The following GOLGA4 variants were observed in gnomAD, a reference collection of about 807,000 sequenced individuals.
GOLGA4 encodes the protein golgin A4.
In GOLGA4, 169 loss-of-function variants were observed where a neutral mutation model predicts 265.9. The ratio of observed to expected loss-of-function variants is 0.64; its 90% CI spans 0.56 to 0.72. GOLGA4 has a LOEUF of 0.72. Ranked by LOEUF, GOLGA4 falls within the 30% of genes least tolerant of loss-of-function variation. The pLI, the probability that GOLGA4 is intolerant of heterozygous loss-of-function variation, is 0.00. For synonymous variants in GOLGA4, 923 were observed against 855.8 expected, an observed-to-expected ratio of 1.08 and a Z score of -1.37; for missense variants, 2,482 against 2,483.4, an observed-to-expected ratio of 1.00 and a Z score of 0.01.
intron 2 of GOLGA4, among the ~76,000 whole-genome samples, chr3:37,255,895 G>A (rs2096747227): frequency 6.6e-6 from 1 of 152,060 alleles, no homozygotes. Context: ...TGGGATTACA[G>A]GCATGAGTCA....
intron 22 of GOLGA4, among the ~76,000 whole-genome samples, chr3:37,361,039 T>C (rs1052076821): frequency 3.3e-5 from 5 of 152,206 alleles, no homozygotes; most frequent in Non-Finnish European, 5.9e-5. Flanking sequence ...AAATCTCAGC[T>C]ACATAATATT....
intron 9 of GOLGA4, among the ~76,000 whole-genome samples, chr3:37,300,210 G>A (rs62241869): frequency 2.0e-5 from 3 of 152,160 alleles, no homozygotes; most frequent in African/African-American, 7.2e-5. Context: ...CTAAAGCTAC[G>A]CAGCAAAGAC....
At chr3:37,250,507 A>G (rs1193955004) in intron 1 of GOLGA4, 2 of 152,192 alleles carry the variant, frequency 1.3e-5, no homozygotes, top group African/African-American at 4.8e-5. Context: ...CAGTTTGTGC[A>G]CGGATACCAC....
intron 21 of GOLGA4, among the ~76,000 whole-genome samples, chr3:37,352,685 G>A (rs942898671): frequency 3.1e-4 from 47 of 151,958 alleles, no homozygotes; most frequent in Non-Finnish European, 6.2e-4. Context: ...CTCTGGATTA[G>A]GGTTTGGCTA....
intron 16 of GOLGA4, among the ~76,000 whole-genome samples, chr3:37,330,945 C>T (rs1175591082): frequency 2.0e-5 from 3 of 151,004 alleles, no homozygotes; most frequent in African/African-American, 4.9e-5. Flanking sequence ...GCAGGAGAAT[C>T]GCTTGAACCT....
chr3:37,243,359 A>G lies in GOLGA4; in HGVS notation c.-192A>G, dbSNP rs2096707943. ...AGCCAGTGGCACCCGGAAGAAAGAG[A>G]CGCGGCGGCGGCGACGCCGACACCC... is the stretch of plus-strand genomic sequence containing the variant. On this transcript the variant is annotated 5_prime_UTR_variant, in exon 1 of 24. Transcript: ENST00000361924. 1 of 578,280 alleles carries G rather than the reference A, an allele frequency of 1.7e-6. No homozygotes were observed. The highest frequency in any genetic ancestry group is 2.0e-5 in the African/African-American group (1 of 50,984). 35.8% of individuals were successfully genotyped at this position (578,280 alleles called of 1,614,324 possible). A position where few individuals can be genotyped will look rare whatever the true frequency, so the allele number is the denominator to read the frequency against.
rs2150771460 is a variant in GOLGA4, at chr3:37,282,339, A to ATTGCT, written c.477+70_477+74dup. The ATTGCT allele has an allele frequency of 2.7e-6, 3 of 1,119,694 alleles. No homozygotes were observed. The African/African-American group carries it at 4.6e-5, about 17-fold the overall frequency. 69.4% of individuals were successfully genotyped at this position (1,119,694 alleles called of 1,614,324 possible). A position where few individuals can be genotyped will look rare whatever the true frequency, so the allele number is the denominator to read the frequency against. On this transcript the variant is annotated intron_variant, in intron 3 of 23. Transcript: ENST00000361924. ...CTTGTTCTCTCATTCATATTACTGTATTGCTTTACTCCTGTGATTGGCTAA... is the reference window on the plus strand; with the variant it reads ...CTTGTTCTCTCATTCATATTACTGTATTGCTTTGCTTTACTCCTGTGATTGGCTAA...
rs1294962257 is a variant in GOLGA4, at chr3:37,326,851, G to A, written c.4965G>A (p.Leu1655=). 1.2e-6 allele frequency: 2 copies of A among 1,613,488 alleles called. No homozygotes were observed. Among genetic ancestry groups the A allele is most frequent in the Admixed American group, 1.7e-5 (1 of 59,918 alleles). ...EQKIAAIKKQ[L]LSQMEEKEEQ... ...AAATTGCTGCCATTAAGAAGCAGTT[G>A]TTATCTCAAATGGAAGAGAAAGAAG... Residue 1655 remains leucine, a synonymous_variant, in exon 14 of 24, where the codon TTG becomes TTA. Coordinates refer to ENST00000361924, the MANE Select transcript of GOLGA4 (RefSeq NM_002078.5).
In GOLGA4 at chr3:37,326,262, CTG is replaced by C; in HGVS notation, c.4378_4379del (p.Val1460Ter). On this transcript the variant is annotated frameshift_variant, in exon 14 of 24. Transcript: ENST00000361924. LOFTEE classifies it high-confidence loss of function. ...TCAAGATTTACACAGCATCAAAACA[CTG>C]TTAAAGAATTGCAGATCCAGCTTGA... The C allele has an allele frequency of 6.2e-7, 1 of 1,613,410 alleles. No individual in the cohort carries two copies. Among genetic ancestry groups the C allele is most frequent in the Non-Finnish European group, 8.5e-7 (1 of 1,179,598 alleles).
intron 10 of GOLGA4, among the ~76,000 whole-genome samples, chr3:37,308,379 A>G (rs1392642147): frequency 1.3e-5 from 2 of 151,862 alleles, no homozygotes; most frequent in Admixed American, 6.6e-5. Context: ...TGCAAAAGTG[A>G]TATTTATTAA....
At chr3:37,306,293 G>A (rs534900585) in intron 10 of GOLGA4, among the ~76,000 whole-genome samples, 1 of 152,288 alleles carries the variant, frequency 6.6e-6, no homozygotes, top group South Asian at 2.1e-4. Flanking sequence ...AAGCGCTTCT[G>A]TAATTGTTGA....
At chr3:37,307,961 C>T (rs111353890) in intron 10 of GOLGA4, among the ~76,000 whole-genome samples, 5,249 of 152,156 alleles carry the variant, frequency 0.034, 224 homozygotes, top group African/African-American at 0.1. Context: ...GGGCTGGGCG[C>T]GGTGGCTCAC....
chr3:37,292,378 A>G (rs947018682), intron 5 of GOLGA4, among the ~76,000 whole-genome samples: 2 of 152,200 alleles, frequency 1.3e-5, no homozygotes, highest in African/African-American at 2.4e-5. Context: ...TTTTATTGCC[A>G]TTATTTCATT....
intron 2 of GOLGA4, among the ~76,000 whole-genome samples, chr3:37,271,115 C>T (rs1241780473): frequency 1.3e-5 from 2 of 152,094 alleles, no homozygotes; most frequent in African/African-American, 4.8e-5. Flanking sequence ...GGTGGTAATG[C>T]GAGTGACGGG....
At position 37,324,175 on chromosome 3, in the gene GOLGA4, T is replaced by G; in HGVS notation, c.2289T>G (p.Leu763=). 1 of 1,614,068 alleles carries G rather than the reference T, an allele frequency of 6.2e-7. No homozygotes were observed. Among genetic ancestry groups the G allele is most frequent in the South Asian group, 1.1e-5 (1 of 91,068 alleles). Residue 763 remains leucine (L), a synonymous_variant, in exon 14 of 24, where the codon CTT becomes CTG. Transcript: ENST00000361924. ...AAGATCAAATTAATCAACTTGAGCTTCTCTTGAAGGAAAGGGACAAGCATT... is the reference window on the plus strand; with the variant it reads ...AAGATCAAATTAATCAACTTGAGCTGCTCTTGAAGGAAAGGGACAAGCATT... ...ALKDQINQLE[L]LLKERDKHLK...
chr3:37,254,087 A>G (rs2096741525), intron 2 of GOLGA4, among the ~76,000 whole-genome samples: 1 of 152,192 alleles, frequency 6.6e-6, no homozygotes, highest in Non-Finnish European at 1.5e-5. Flanking sequence ...TATTGTATGC[A>G]AACTAATATA....
intron 2 of GOLGA4, among the ~76,000 whole-genome samples, chr3:37,260,415 A>C (rs1007076345): frequency 2.6e-5 from 4 of 151,756 alleles, no homozygotes; most frequent in African/African-American, 9.7e-5. Context: ...TGAGGTCAGG[A>C]GTTCGAGACC....
At position 37,366,765 on chromosome 3, in the gene GOLGA4, CTTGTTCCTCAGTTGAAATCTAT is replaced by C. The variant is rs1358093426; in HGVS notation, c.*722_*743del. ...TACTATATAACATTTGTTTATTGTA[CTTGTTCCTCAGTTGAAATCTAT>C]TTTAAAATGTTTAAGAATGCATATT... On this transcript the variant is annotated 3_prime_UTR_variant, in exon 24 of 24. Coordinates refer to ENST00000361924, the MANE Select transcript of GOLGA4 (RefSeq NM_002078.5). 4 of 152,356 alleles carry C rather than the reference CTTGTTCCTCAGTTGAAATCTAT, an allele frequency of 2.6e-5. No individual in the cohort carries two copies. The highest frequency in any genetic ancestry group is 4.8e-5 in the African/African-American group (2 of 41,430). The allele number at this position is 152,356 out of a possible 1,614,324, so 9.4% of individuals were successfully genotyped here. A position where few individuals can be genotyped will look rare whatever the true frequency, so the allele number is the denominator to read the frequency against.
At chr3:37,305,354 CTG>C (rs1378537183) in intron 10 of GOLGA4, among the ~76,000 whole-genome samples, 1 of 152,206 alleles carries the variant, frequency 6.6e-6, no homozygotes, top group African/African-American at 2.4e-5. Flanking sequence ...TTGTAACAAA[CTG>C]TCTCTACATT....
Sources: allele counts gnomAD v4.1 joint callset (sites outside exome capture counted in the v4.1 genomes callset), GRCh38; gene constraint gnomAD v4.1.1; transcripts MANE v1.5; gene names NCBI Gene and HGNC (gene_info 2026-07-23, HGNC 2026-07-21).